PKP2: variants seen among roughly 807,000 people sequenced by gnomAD.
PKP2 encodes the protein plakophilin 2.
A neutral mutation model predicts 83.4 loss-of-function variants in PKP2; 73 were observed. The ratio of observed to expected loss-of-function variants is 0.88; its 90% CI spans 0.72 to 1.06. The LOEUF is 1.06. PKP2 is among the 50% of genes least tolerant of loss of function. The probability of loss-of-function intolerance (pLI) is 0.00; values close to 1 mark genes in which losing one functional copy is unlikely to be tolerated. For synonymous variants in PKP2, 409 were observed against 430.4 expected (o/e 0.95, Z 0.62); for missense variants, 966 against 1,065.4 (o/e 0.91, Z 1.30).
chr12:32,827,928 A>G (rs568878629), intron 6 of PKP2, among the ~76,000 whole-genome samples: 4 of 152,354 alleles, frequency 2.6e-5, no homozygotes, highest in Admixed American at 2.0e-4. Context: ...AAAACTGCAT[A>G]CTGTTATATA....
At chr12:32,861,214 T>C (rs572400673) in intron 4 of PKP2, among the ~76,000 whole-genome samples, 1 of 152,204 alleles carries the variant, frequency 6.6e-6, no homozygotes, top group Admixed American at 6.5e-5. Flanking sequence ...AAGAAAAATA[T>C]GACCCATAAT....
Position 32,878,092 on chromosome 12 carries a change from G to A in PKP2, c.788C>T (p.Thr263Met), listed in dbSNP as rs543758984. Residue 263 changes from threonine (T) to methionine (M), a missense_variant, in exon 3 of 13, where the codon ACG becomes ATG. Transcript: ENST00000340811. ...GACCTGCCCGACAGTGAGCCCTGCC[G>A]TCAGGTAGTTCTCCTTCTCCAAGAG... is the stretch of plus-strand genomic sequence containing the variant. ...GNLLEKENYL[T>M]AGLTVGQVRP... The A allele has an allele frequency of 2.6e-5, 42 of 1,614,202 alleles. No homozygotes were observed. The highest frequency in any genetic ancestry group is 3.1e-5 in the Non-Finnish European group (37 of 1,180,042).
chr12:32,854,730 T>A (rs1318133723), intron 4 of PKP2, among the ~76,000 whole-genome samples: 1 of 152,192 alleles, frequency 6.6e-6, no homozygotes, highest in East Asian at 1.9e-4. Context: ...TCTAAATACA[T>A]GAAAGGGCAG....
At chr12:32,796,072 A>G (rs377139489) in intron 11 of PKP2, 37 bp downstream of exon 11, 3 of 1,558,194 alleles carry the variant, frequency 1.9e-6, no homozygotes, top group Non-Finnish European at 2.6e-6. Flanking sequence ...GGTGAGGGGA[A>G]AGGGAGGCAG....
chr12:32,890,573 T>C (rs1957068392), intron 1 of PKP2, among the ~76,000 whole-genome samples: 2 of 152,202 alleles, frequency 1.3e-5, no homozygotes, highest in African/African-American at 4.8e-5. Context: ...TAAATCTACA[T>C]ATTGAGCTCT....
chr12:32,885,495 T>C (rs1163956987), intron 1 of PKP2, among the ~76,000 whole-genome samples: 1 of 152,016 alleles, frequency 6.6e-6, no homozygotes, highest in East Asian at 1.9e-4. Context: ...CTCTAAAACA[T>C]AAAATACAAA....
chr12:32,798,504 T>C (rs147217921), intron 10 of PKP2, among the ~76,000 whole-genome samples: 150 of 151,256 alleles, frequency 9.9e-4, no homozygotes, highest in African/African-American at 3.5e-3. Flanking sequence ...ACAAGAAAGG[T>C]ATTAAAAAAA....
Position 32,850,942 on chromosome 12 carries a change from A to G in PKP2, c.1202T>C (p.Leu401Pro). Residue 401 changes from leucine (L) to proline (P), a missense_variant, in exon 5 of 13, where the codon CTG becomes CCG. Physicochemically the swap from Leu to Pro is moderately conservative, Grantham distance 98 (BLOSUM62 -3). Transcript: ENST00000340811. ...TTCATTCTGAACTTTTAGGAGCTGC[A>G]GAAGCTTGAGGATGCCACGAAGCTG... is the stretch of plus-strand genomic sequence containing the variant. ...VNQLRGILKL[L>P]QLLKVQNEDV... 1 of 1,614,166 alleles carries G rather than the reference A, an allele frequency of 6.2e-7. No homozygotes were observed. Among genetic ancestry groups the G allele is most frequent in the South Asian group, 1.1e-5 (1 of 91,090 alleles).
chr12:32,862,460 A>G (rs1173481907), intron 4 of PKP2, among the ~76,000 whole-genome samples: 1 of 151,788 alleles, frequency 6.6e-6, no homozygotes, highest in Admixed American at 6.6e-5. Context: ...CAGCCTGACC[A>G]ACATGGAGAA....
intron 4 of PKP2, among the ~76,000 whole-genome samples, chr12:32,858,064 C>CAAAAAAA (rs777690496): frequency 2.6e-4 from 7 of 27,390 alleles, no homozygotes; most frequent in African/African-American, 6.5e-4. Flanking sequence ...CCCATCTCTA[C>CAAAAAAA]AAAAAAAAAA....
chr12:32,890,851 TC>T (rs1957070313), intron 1 of PKP2, among the ~76,000 whole-genome samples: 2 of 150,298 alleles, frequency 1.3e-5, no homozygotes, highest in South Asian at 4.2e-4. Flanking sequence ...TCCCAGCTAC[TC>T]GGGAGGCTGA....
intron 9 of PKP2, among the ~76,000 whole-genome samples, chr12:32,819,276 T>G (rs1047324831): frequency 3.4e-5 from 5 of 147,268 alleles, no homozygotes; most frequent in Non-Finnish European, 7.4e-5. Flanking sequence ...AGATTCCGCC[T>G]CAAAATAAAT....
At chr12:32,857,074 C>T (rs1956756134) in intron 4 of PKP2, among the ~76,000 whole-genome samples, 1 of 152,172 alleles carries the variant, frequency 6.6e-6, no homozygotes, top group Non-Finnish European at 1.5e-5. Flanking sequence ...TGTCCTGCCT[C>T]CCAGCCCAAC....
chr12:32,830,809 G>C (rs780693263), intron 6 of PKP2, among the ~76,000 whole-genome samples: 2 of 151,854 alleles, frequency 1.3e-5, no homozygotes, highest in South Asian at 2.1e-4. Context: ...GGGAGGCTGA[G>C]GCAGGAGAAT....
chr12:32,895,809 T>C (rs7954545), intron 1 of PKP2, among the ~76,000 whole-genome samples: 75,650 of 152,096 alleles, frequency 0.5, 22,316 homozygotes, highest in Non-Finnish European at 0.69. Flanking sequence ...CAGACTTGCA[T>C]CACGCCCGCA....
At chr12:32,808,928 ACCTGCTGCTGGC>A (rs540282721) in intron 9 of PKP2, among the ~76,000 whole-genome samples, 12 of 152,208 alleles carry the variant, frequency 7.9e-5, no homozygotes, top group African/African-American at 2.9e-4. Flanking sequence ...GTGGGTACTG[ACCTGCTGCTGGC>A]CCAAATGCTC....
chr12:32,830,105 A>G (rs1158065335), intron 6 of PKP2, among the ~76,000 whole-genome samples: 1 of 152,246 alleles, frequency 6.6e-6, no homozygotes. Flanking sequence ...AAGTGGTACC[A>G]GTCAGATAAA....
chr12:32,796,635 G>A (rs1435475072), intron 10 of PKP2, among the ~76,000 whole-genome samples: 4 of 152,074 alleles, frequency 2.6e-5, no homozygotes, highest in South Asian at 4.1e-4. Context: ...TCCTGACCTC[G>A]TGATCCGCCA....
At chr12:32,851,416 CAG>C (rs1271414868) in intron 4 of PKP2, among the ~76,000 whole-genome samples, 1 of 152,056 alleles carries the variant, frequency 6.6e-6, no homozygotes, top group East Asian at 1.9e-4. Context: ...CTTTCATTAA[CAG>C]AAATAAAAAT....
Sources: gnomAD v4.1 joint callset for allele counts (sites outside exome capture counted in the v4.1 genomes callset) on GRCh38, gnomAD v4.1.1 for gene constraint, MANE v1.5 for transcripts, NCBI Gene and HGNC (gene_info 2026-07-23, HGNC 2026-07-21) for gene names.